Variants in CADPS observed in about 807,000 individuals in gnomAD.
The protein encoded by CADPS is calcium dependent secretion activator, also known as calcium-dependent secretion activator 1.
A neutral mutation model predicts 167.3 loss-of-function variants in CADPS; 57 were observed. That is an observed-to-expected ratio of 0.34 (90% CI 0.28 to 0.42). The LOEUF is 0.42. Ranked by LOEUF, CADPS falls within the 20% of genes least tolerant of loss-of-function variation. CADPS has a pLI of 1.00. For synonymous variants in CADPS, 676 were observed against 635.3 expected (o/e 1.06, Z -0.96); for missense variants, 1,414 against 1,738.1 (o/e 0.81, Z 3.32).
intron 6 of CADPS, among the ~76,000 whole-genome samples, chr3:62,635,891 A>C (rs548988959): frequency 6.6e-6 from 1 of 152,298 alleles, no homozygotes; most frequent in South Asian, 2.1e-4. Flanking sequence ...ACATGTAAGC[A>C]TTATAAGAAA....
In CADPS at chr3:62,549,962, T is replaced by C. The variant is rs760690580; in HGVS notation, c.1907A>G (p.Gln636Arg). 4 of 1,614,040 alleles carry C rather than the reference T, an allele frequency of 2.5e-6. No homozygotes were observed. In the East Asian group the frequency reaches 6.7e-5, roughly 27 times the overall value. Residue 636 changes from glutamine (Q) to arginine (R), a missense_variant, in exon 11 of 30, where the codon CAG (glutamine) becomes CGG (arginine). Gln to Arg is a conservative substitution (Grantham distance 43). Transcript: ENST00000383710. ...SHKPVPPTQV[Q>R]KLNAKGGNVP... ...ATTTCCTCCCTTGGCGTTGAGTTTC[T>C]GGACTTGGGTCGGGGGCACAGGCTT...
rs775850925 is a variant in CADPS at position 62,420,861 on chromosome 3, AACACACACACAC to A, written c.3777+17231_3777+17242del. Among the ~76,000 whole-genome samples the A allele has an allele frequency of 1.0e-3, 137 of 133,938 alleles. No homozygotes were observed. In the South Asian group the frequency reaches 0.013, roughly 13 times the overall value. The allele number at this position is 133,938 out of a possible 152,430, so 87.9% of individuals were successfully genotyped here. A position where few individuals can be genotyped will look rare whatever the true frequency, so the allele number is the denominator to read the frequency against. ...TTTTCTCTTTATGGGAGGGAGAACGAACACACACACACACACACACACACACACACACACACA... is the reference window on the plus strand; with the variant it reads ...TTTTCTCTTTATGGGAGGGAGAACGAACACACACACACACACACACACACA... On this transcript the variant is annotated intron_variant, in intron 28 of 29. Coordinates refer to ENST00000383710, the MANE Select transcript of CADPS (RefSeq NM_003716.4). The surrounding 1 kb of genome is among the most constrained non-coding windows in gnomAD (Gnocchi z 4.1).
chr3:62,698,600 C>T (rs924848912), intron 3 of CADPS, among the ~76,000 whole-genome samples: 3 of 150,950 alleles, frequency 2.0e-5, no homozygotes, highest in Admixed American at 1.3e-4. Context: ...TCATCTCCCA[C>T]ATTAGTGGTG....
chr3:62,823,031 G>A (rs1327206667), intron 1 of CADPS, among the ~76,000 whole-genome samples: 1 of 152,080 alleles, frequency 6.6e-6, no homozygotes, highest in Non-Finnish European at 1.5e-5. Context: ...AAATGCTTAA[G>A]TTCTGCCACC....
At chr3:62,654,650 T>C (rs1326085163) in intron 4 of CADPS, among the ~76,000 whole-genome samples, 6 of 152,112 alleles carry the variant, frequency 3.9e-5, no homozygotes, top group African/African-American at 9.7e-5. Context: ...TTAGGCCCCA[T>C]TAAAGGCTGT....
chr3:62,790,413 A>C (rs2092830639), intron 1 of CADPS, among the ~76,000 whole-genome samples: 1 of 152,150 alleles, frequency 6.6e-6, no homozygotes, highest in South Asian at 2.1e-4. Context: ...ATTTGTTCTG[A>C]ATCTTATGTC....
intron 1 of CADPS, among the ~76,000 whole-genome samples, chr3:62,856,794 C>G (rs73097470): frequency 0.043 from 6,549 of 151,338 alleles, 190 homozygotes; most frequent in South Asian, 0.091. Context: ...ACTGGCTAGT[C>G]AACTGAAAGG....
chr3:62,771,041 G>A (rs2088575457), intron 1 of CADPS, among the ~76,000 whole-genome samples: 1 of 152,052 alleles, frequency 6.6e-6, no homozygotes, highest in Admixed American at 6.6e-5. Flanking sequence ...GCATATTAGG[G>A]CCTTCTTTAT....
chr3:62,706,345 C>G (rs2082302340), intron 3 of CADPS, among the ~76,000 whole-genome samples: 1 of 152,116 alleles, frequency 6.6e-6, no homozygotes, highest in African/African-American at 2.4e-5. Flanking sequence ...TCCCTATTAG[C>G]TTGCAATTAC....
intron 8 of CADPS, among the ~76,000 whole-genome samples, chr3:62,572,025 G>C (rs1264123804): frequency 6.6e-6 from 1 of 152,114 alleles, no homozygotes; most frequent in South Asian, 2.1e-4. Context: ...TTCAAATACC[G>C]AGTTCTAAAA....
chr3:62,831,723 G>T (rs1405959227), intron 1 of CADPS, among the ~76,000 whole-genome samples: 2 of 152,164 alleles, frequency 1.3e-5, no homozygotes, highest in Non-Finnish European at 2.9e-5. Flanking sequence ...CTGAATAAAT[G>T]AGTGATCCAA....
intron 7 of CADPS, among the ~76,000 whole-genome samples, chr3:62,585,905 G>A (rs833642): frequency 6.6e-6 from 1 of 152,122 alleles, no homozygotes; most frequent in Non-Finnish European, 1.5e-5. Context: ...AACTTTGCCC[G>A]GGCATGGAGG....
At chr3:62,850,964 TGG>T (rs1429588755) in intron 1 of CADPS, among the ~76,000 whole-genome samples, 1 of 150,410 alleles carries the variant, frequency 6.6e-6, no homozygotes, top group Non-Finnish European at 1.5e-5. Flanking sequence ...GCTCCTGTAT[TGG>T]GTGCATATAT....
At chr3:62,530,701 G>A (rs2073451059) in intron 13 of CADPS, 1 of 1,287,796 alleles carries the variant, frequency 7.8e-7, no homozygotes, top group Non-Finnish European at 1.0e-6. Context: ...TTCTTTTTTT[G>A]GATTCCTTTT....
At chr3:62,863,431 C>T (rs1404040992) in intron 1 of CADPS, among the ~76,000 whole-genome samples, 1 of 152,048 alleles carries the variant, frequency 6.6e-6, no homozygotes, top group Non-Finnish European at 1.5e-5. Context: ...GGGTAAAGGG[C>T]CAATGAATGC....
intron 1 of CADPS, among the ~76,000 whole-genome samples, chr3:62,786,880 A>G (rs1024966785): frequency 1.3e-5 from 2 of 152,184 alleles, no homozygotes; most frequent in Non-Finnish European, 2.9e-5. Context: ...AAAATCCTGG[A>G]GTAGTTGGTG....
At chr3:62,619,487 GCTCT>G (rs1397691925) in intron 6 of CADPS, among the ~76,000 whole-genome samples, 1 of 152,106 alleles carries the variant, frequency 6.6e-6, no homozygotes, top group Admixed American at 6.5e-5. Context: ...ACAAGAAGAT[GCTCT>G]CTGTTGAACT....
chr3:62,532,105 T>C (rs528781189), intron 13 of CADPS, among the ~76,000 whole-genome samples: 1 of 152,230 alleles, frequency 6.6e-6, no homozygotes, highest in Non-Finnish European at 1.5e-5. Context: ...GCTCTGGAAA[T>C]GTACTTGGCT....
chr3:62,776,956 CT>C (rs1262437971), intron 1 of CADPS, among the ~76,000 whole-genome samples: 1 of 152,104 alleles, frequency 6.6e-6, no homozygotes, highest in Admixed American at 6.5e-5. Flanking sequence ...GCAAGAATCT[CT>C]TTTGTCAGTT....
Sources: allele counts gnomAD v4.1 joint callset (sites outside exome capture counted in the v4.1 genomes callset), GRCh38; gene constraint gnomAD v4.1.1; non-coding constraint Gnocchi (gnomAD v3.1); transcripts MANE v1.5; gene names NCBI Gene and HGNC (gene_info 2026-07-23, HGNC 2026-07-21).